CFAP54: variants seen among roughly 807,000 people sequenced by gnomAD.
CFAP54 encodes cilia and flagella associated protein 54, also known as cilia- and flagella-associated protein 54.
In CFAP54, 290 loss-of-function variants were observed where a neutral mutation model predicts 370.4. The observed-to-expected ratio is 0.78, with a 90% CI of 0.71 to 0.86. The LOEUF (loss-of-function observed/expected upper bound fraction) is 0.86. CFAP54 is among the 40% of genes least tolerant of loss of function. CFAP54 has a pLI of 0.00. For synonymous variants in CFAP54, 1,206 were observed against 1,236.5 expected (o/e 0.98, Z 0.52); for missense variants, 3,399 against 3,528.7 (o/e 0.96, Z 0.93).
chr12:96,568,313 A>G (rs1955882145), intron 19 of CFAP54, among the ~76,000 whole-genome samples: 1 of 152,104 alleles, frequency 6.6e-6, no homozygotes, highest in South Asian at 2.1e-4. Flanking sequence ...TTATGAGTAT[A>G]ATGTCCTATT....
intron 39 of CFAP54, among the ~76,000 whole-genome samples, chr12:96,670,672 A>T (rs1392121685): frequency 1.3e-5 from 2 of 152,212 alleles, no homozygotes; most frequent in South Asian, 4.1e-4. Context: ...GGGAAATGTA[A>T]CAGGAGAGTA....
At chr12:96,721,451 A>G (rs866802735) in intron 50 of CFAP54, among the ~76,000 whole-genome samples, 3 of 152,248 alleles carry the variant, frequency 2.0e-5, no homozygotes, top group South Asian at 2.1e-4. Context: ...TGCATAGAAT[A>G]CAATTTCTGT....
intron 67 of CFAP54, among the ~76,000 whole-genome samples, chr12:96,874,189 TAA>T (rs1330633711): frequency 1.3e-5 from 2 of 152,138 alleles, no homozygotes; most frequent in Non-Finnish European, 2.9e-5. Flanking sequence ...TCTGCTTCCT[TAA>T]AATGGGTCCA....
At chr12:96,516,018 C>G (rs1252306297) in intron 5 of CFAP54, among the ~76,000 whole-genome samples, 1 of 151,064 alleles carries the variant, frequency 6.6e-6, no homozygotes, top group Non-Finnish European at 1.5e-5. Context: ...CGGGTTCACG[C>G]CATTCTTCTG....
chr12:96,664,628 G>A (rs1392569147), intron 39 of CFAP54, among the ~76,000 whole-genome samples: 14 of 42,650 alleles, frequency 3.3e-4, no homozygotes, highest in Admixed American at 3.2e-3. Flanking sequence ...ACGTATGTGT[G>A]TGTGTGTGTG....
chr12:96,539,291 C>G (rs1955545418), intron 13 of CFAP54, among the ~76,000 whole-genome samples: 1 of 151,648 alleles, frequency 6.6e-6, no homozygotes, highest in South Asian at 2.1e-4. Flanking sequence ...GAACTCCTGA[C>G]CTCGTGATCT....
intron 19 of CFAP54, among the ~76,000 whole-genome samples, chr12:96,571,371 G>T (rs897745614): frequency 1.3e-5 from 2 of 152,148 alleles, no homozygotes; most frequent in African/African-American, 4.8e-5. Context: ...ACACCTTAGA[G>T]CTTATTTTTA....
rs71068819 is a variant in CFAP54, at chr12:96,621,875, GTTTTTTTTTTTTTTT to G, written c.3771+172_3771+186del. On this transcript the variant is annotated intron_variant, in intron 27 of 67. Transcript: ENST00000524981. Reference sequence around the variant, plus strand: ...ATTATAGTAAAGAGCTTTTGGGTTTGTTTTTTTTTTTTTTTTTTTTTTTTTTTTTTTTAGTTATGG... The same window carrying G: ...ATTATAGTAAAGAGCTTTTGGGTTTGTTTTTTTTTTTTTTTTTAGTTATGG... 3.6e-3 allele frequency among the ~76,000 whole-genome samples: 181 copies of G among 50,054 alleles called. 2 individuals carry two copies. The highest frequency in any genetic ancestry group is 0.023 in the South Asian group (19 of 840). The allele number at this position is 50,054 out of a possible 152,430, so 32.8% of individuals were successfully genotyped here. A position where few individuals can be genotyped will look rare whatever the true frequency, so the allele number is the denominator to read the frequency against.
chr12:96,543,670 T>C (rs906811097), intron 14 of CFAP54, among the ~76,000 whole-genome samples: 1 of 152,196 alleles, frequency 6.6e-6, no homozygotes, highest in South Asian at 2.1e-4. Flanking sequence ...AGGGAAGATT[T>C]ATGCTTGCTT....
At chr12:96,753,004 G>C (rs1958206355) in intron 55 of CFAP54, among the ~76,000 whole-genome samples, 1 of 152,150 alleles carries the variant, frequency 6.6e-6, no homozygotes, top group Admixed American at 6.5e-5. Context: ...TATGAGTAAT[G>C]CATTTAAGTC....
At chr12:96,755,329 A>T (rs1447646309) in intron 56 of CFAP54, among the ~76,000 whole-genome samples, 1 of 152,204 alleles carries the variant, frequency 6.6e-6, no homozygotes, top group Non-Finnish European at 1.5e-5. Context: ...ATCACTTCAC[A>T]TACTTATCAT....
intron 47 of CFAP54, among the ~76,000 whole-genome samples, chr12:96,706,083 A>G (rs59769461): frequency 0.019 from 2,940 of 152,294 alleles, 108 homozygotes; most frequent in African/African-American, 0.067. Context: ...GCCAATCAGC[A>G]TTAGTTCTGA....
At chr12:96,869,593 G>T (rs1303178037) in intron 67 of CFAP54, among the ~76,000 whole-genome samples, 5 of 152,120 alleles carry the variant, frequency 3.3e-5, no homozygotes, top group Non-Finnish European at 5.9e-5. Context: ...TCTCTGACAT[G>T]AAAATTAATA....
chr12:96,495,792 C>T (rs1954947054), intron 1 of CFAP54, among the ~76,000 whole-genome samples: 1 of 151,620 alleles, frequency 6.6e-6, no homozygotes, highest in Non-Finnish European at 1.5e-5. Flanking sequence ...TAGGGTTCAA[C>T]AAAAAAAGAG....
chr12:96,598,533 T>C lies in CFAP54; in HGVS notation c.3517-112T>C, dbSNP rs1956203594. ...TAATAAACAATTTATCAATAATTAT[T>C]GATAACAAAATTTTATGTCTTAAAG... On this transcript the variant is annotated intron_variant, in intron 25 of 67. Transcript: ENST00000524981. 9.2e-6 allele frequency: 4 copies of C among 433,168 alleles called. No individual in the cohort carries two copies. The Admixed American group carries it at 1.2e-4, about 13-fold the overall frequency. 26.8% of individuals were successfully genotyped at this position (433,168 alleles called of 1,614,324 possible).
At position 96,534,079 on chromosome 12, in the gene CFAP54, G is replaced by A. The variant is rs1955475547; in HGVS notation, c.1557G>A (p.Glu519=). Residue 519 remains glutamate (E), a synonymous_variant, in exon 11 of 68, where the codon GAG becomes GAA. Transcript: ENST00000524981. The part of the protein sequence containing the change: ...IYFLQRQDDP[E]SKKAEKDLTL... ...TCCCCAAGAGGCAGGATGATCCAGA[G>A]TCAAAGAAAGCAGAGAAGGATTTAA... 6.5e-7 allele frequency: 1 copy of A among 1,527,038 alleles called. No homozygotes were observed. Among genetic ancestry groups the A allele is most frequent in the Non-Finnish European group, 8.7e-7 (1 of 1,142,944 alleles). 94.6% of individuals were successfully genotyped at this position (1,527,038 alleles called of 1,614,324 possible). A position where few individuals can be genotyped will look rare whatever the true frequency, so the allele number is the denominator to read the frequency against.
intron 63 of CFAP54, among the ~76,000 whole-genome samples, chr12:96,798,123 ATTATTT>A (rs1357246736): frequency 9.9e-5 from 15 of 152,068 alleles, no homozygotes; most frequent in Admixed American, 8.5e-4. Flanking sequence ...AAATAATAGT[ATTATTT>A]TTATTTGTTT....
At chr12:96,621,875 G>GTTTGTTTGTTT (rs1956496257) in intron 27 of CFAP54, among the ~76,000 whole-genome samples, 154 bp downstream of exon 27, 1 of 50,022 alleles carries the variant, frequency 2.0e-5, no homozygotes, top group Non-Finnish European at 3.3e-5. Context: ...TTTTGGGTTT[G>GTTTGTTTGTTT]TTTTTTTTTT....
At chr12:96,849,543 T>C (rs1259419100) in intron 66 of CFAP54, among the ~76,000 whole-genome samples, 1 of 152,228 alleles carries the variant, frequency 6.6e-6, no homozygotes, top group Non-Finnish European at 1.5e-5. Flanking sequence ...CTTTGAAGAC[T>C]ACATGATTTT....
Sources: allele counts gnomAD v4.1 joint callset (sites outside exome capture counted in the v4.1 genomes callset), GRCh38; gene constraint gnomAD v4.1.1; transcripts MANE v1.5; gene names NCBI Gene and HGNC (gene_info 2026-07-23, HGNC 2026-07-21).